The following DGKD variants were observed in gnomAD, a reference collection of about 807,000 sequenced individuals.
DGKD encodes the protein DAG kinase delta.
Under a neutral mutation model 154.4 loss-of-function variants are expected in DGKD, and 68 were observed. The ratio of observed to expected loss-of-function variants is 0.44; its 90% CI spans 0.36 to 0.54. The LOEUF is 0.54. DGKD is among the 20% of genes least tolerant of loss of function. The probability of loss-of-function intolerance (pLI) is 0.00; values close to 1 mark genes in which losing one functional copy is unlikely to be tolerated. For synonymous variants in DGKD, 693 were observed against 638.0 expected (o/e 1.09, Z -1.30); for missense variants, 1,343 against 1,593.6 (o/e 0.84, Z 2.68).
chr2:233,427,371 C>CA (rs2062345427), intron 3 of DGKD, among the ~76,000 whole-genome samples: 1 of 134,770 alleles, frequency 7.4e-6, no homozygotes, highest in Non-Finnish European at 1.5e-5. Flanking sequence ...GACAGGGTCT[C>CA]ACTCTGTCAC....
chr2:233,407,760 G>A (rs562010885), intron 3 of DGKD, among the ~76,000 whole-genome samples: 3 of 152,202 alleles, frequency 2.0e-5, no homozygotes, highest in South Asian at 2.1e-4. Flanking sequence ...GAGAGAGATC[G>A]TGTCTCAAAA....
chr2:233,463,347 T>TCTCCTCACTCCACGCATCTC (rs1553542570), intron 26 of DGKD, among the ~76,000 whole-genome samples: 1 of 143,454 alleles, frequency 7.0e-6, no homozygotes, highest in African/African-American at 2.6e-5. Context: ...ACTGCACGCA[T>TCTCCTCACTCCACGCATCTC]CTCACTCCAC....
At position 233,452,114 on chromosome 2, in the gene DGKD, T is replaced by C; in HGVS notation, c.2264+54T>C. The C allele has an allele frequency of 1.3e-6, 2 of 1,488,324 alleles. No homozygotes were observed. The highest frequency in any genetic ancestry group is 1.7e-4 in the Middle Eastern group (1 of 5,800). 92.2% of individuals were successfully genotyped at this position (1,488,324 alleles called of 1,614,324 possible). On this transcript the variant is annotated intron_variant, in intron 18 of 29. Coordinates refer to ENST00000264057, the MANE Select transcript of DGKD (RefSeq NM_152879.3). The surrounding 1 kb of genome is among the most constrained non-coding windows in gnomAD (Gnocchi z 4.0). ...ATATTGTTACATGGCTGCTAGTGCA[T>C]AGAAAACAGATCTCAGGATTAACTA... is the stretch of plus-strand genomic sequence containing the variant.
chr2:233,383,582 T>A (rs1347178626), intron 1 of DGKD, among the ~76,000 whole-genome samples: 1 of 152,252 alleles, frequency 6.6e-6, no homozygotes, highest in Non-Finnish European at 1.5e-5. Context: ...CTCTGTCGTC[T>A]GCTGGACGTT....
rs558680365 is a variant in DGKD at position 233,452,714 on chromosome 2, T to A, written c.2264+654T>A. ...ACATGTATATAGCAGTTTAATGCAG[T>A]CTTCCTAGGTATTGGAGTCCATTTT... On this transcript the variant is annotated intron_variant, in intron 18 of 29. Coordinates refer to ENST00000264057, the MANE Select transcript of DGKD (RefSeq NM_152879.3). This position sits in a 1 kb window ranked among gnomAD's most constrained non-coding sequence, Gnocchi z 4.0. Among the ~76,000 whole-genome samples, 1 of 152,334 alleles carries A rather than the reference T, an allele frequency of 6.6e-6. No individual in the cohort carries two copies. The highest frequency in any genetic ancestry group is 2.1e-4 in the South Asian group (1 of 4,832).
In DGKD at chr2:233,434,808, A is replaced by T. The variant is rs1289445299; in HGVS notation, c.493A>T (p.Asn165Tyr). The change falls in exon 5 of 30, where the codon AAT (asparagine) becomes TAT (tyrosine). Residue 165 changes from asparagine (N) to tyrosine (Y), a missense_variant. Coordinates refer to ENST00000264057, the MANE Select transcript of DGKD (RefSeq NM_152879.3). ...CATGGACCACTTCTCAGGGATGCAC[A>T]ATTGGTACGCCTGTTCCCACGCGAG... ...YSMDHFSGMH[N>Y]WYACSHARPT... 1.2e-6 allele frequency: 2 copies of T among 1,614,212 alleles called. No homozygotes were observed. The highest frequency in any genetic ancestry group is 2.2e-5 in the South Asian group (2 of 91,078).
At chr2:233,468,347 G>T in intron 28 of DGKD, 76 bp from the exon 29 acceptor site, 1 of 1,572,096 alleles carries the variant, frequency 6.4e-7, no homozygotes, top group Non-Finnish European at 8.7e-7. Context: ...GCTCTCGGGT[G>T]CTGGGTGCCA....
chr2:233,460,123 C>G, intron 23 of DGKD, 71 bp from the exon 24 acceptor site: 1 of 1,567,380 alleles, frequency 6.4e-7, no homozygotes, highest in South Asian at 1.2e-5. Flanking sequence ...TCGTTGGCAT[C>G]CCCATAGTGT....
chr2:233,466,745 T>G (rs2063834499), intron 27 of DGKD, among the ~76,000 whole-genome samples: 1 of 152,258 alleles, frequency 6.6e-6, no homozygotes, highest in Non-Finnish European at 1.5e-5. Context: ...ACTAGAAGAT[T>G]GGCTAAAGAG....
At position 233,449,176 on chromosome 2, in the gene DGKD, T is replaced by C; in HGVS notation, c.1688T>C (p.Leu563Pro). The C allele has an allele frequency of 1.2e-6, 2 of 1,613,536 alleles. No individual in the cohort carries two copies. The highest frequency in any genetic ancestry group is 1.7e-6 in the Non-Finnish European group (2 of 1,179,742). The change falls in exon 15 of 30, where the codon CTG becomes CCG. Residue 563 changes from leucine (L) to proline (P), a missense_variant. This residue lies in a region of DGKD where 409 missense variants were observed against 446.0 expected (regional missense o/e 0.92). Transcript: ENST00000264057. This position sits in a 1 kb window ranked among gnomAD's most constrained non-coding sequence, Gnocchi z 5.3. Reference protein sequence around the residue: ...LDDESQASSSLPNPPPTIAEE... With the variant: ...LDDESQASSSPPNPPPTIAEE... ...GATGAGTCCCAGGCCTCGTCCTCTCTGCCCAACCCGCCCCCCACCATTGCC... is the reference window on the plus strand; with the variant it reads ...GATGAGTCCCAGGCCTCGTCCTCTCCGCCCAACCCGCCCCCCACCATTGCC...
chr2:233,418,343 C>T (rs907173502), intron 3 of DGKD, among the ~76,000 whole-genome samples: 7 of 152,186 alleles, frequency 4.6e-5, no homozygotes, highest in African/African-American at 1.7e-4. Flanking sequence ...ATAATATTCC[C>T]TTCCTGCCAG....
At position 233,469,389 on chromosome 2, in the gene DGKD, G is replaced by A; in HGVS notation, c.3574G>A (p.Val1192Met). ...GTTGCAGGACCTGGGCGTGACCAAG[G>A]TGGGCCACATGAAGAGGATCCTGTG... The part of the protein sequence containing the change: ...RDLKDLGVTK[V>M]GHMKRILCGI... The change falls in exon 30 of 30, where the codon GTG becomes ATG. Residue 1192 changes from valine (V) to methionine (M), a missense_variant. This residue lies in a region of DGKD where 429 missense variants were observed against 496.3 expected (regional missense o/e 0.86). Coordinates refer to ENST00000264057, the MANE Select transcript of DGKD (RefSeq NM_152879.3). The A allele has an allele frequency of 6.2e-7, 1 of 1,612,300 alleles. No individual in the cohort carries two copies. The highest frequency in any genetic ancestry group is 8.5e-7 in the Non-Finnish European group (1 of 1,179,394).
rs758401506 is a variant in DGKD at position 233,469,452 on chromosome 2, G to A, written c.3637G>A (p.Glu1213Lys). ...KELSRSAPAV[E>K]A ...GCTGAGCCGCAGCGCCCCCGCCGTC[G>A]AGGCCTAGCCTCTGTCCTCTCAGCC... The change falls in exon 30 of 30, where the codon GAG (glutamate) becomes AAG (lysine). Residue 1213 changes from glutamate (E) to lysine (K), a missense_variant. Physicochemically the swap from Glu to Lys is moderately conservative, Grantham distance 56. This residue lies in a region of DGKD where 429 missense variants were observed against 496.3 expected (regional missense o/e 0.86). Coordinates refer to ENST00000264057, the MANE Select transcript of DGKD (RefSeq NM_152879.3). The A allele has an allele frequency of 2.4e-5, 38 of 1,598,718 alleles. No individual in the cohort carries two copies. The East Asian group carries it at 7.5e-4, about 31-fold the overall frequency.
chr2:233,366,915 C>T (rs1245386195), intron 1 of DGKD, among the ~76,000 whole-genome samples: 1 of 152,162 alleles, frequency 6.6e-6, no homozygotes, highest in Non-Finnish European at 1.5e-5. Flanking sequence ...CACAGTTTAC[C>T]TCTAAATACC....
intron 3 of DGKD, among the ~76,000 whole-genome samples, chr2:233,413,272 C>T (rs570459010): frequency 1.6e-4 from 24 of 152,224 alleles, no homozygotes; most frequent in Non-Finnish European, 2.9e-4. Flanking sequence ...AGTGTTACCC[C>T]GCCTCTGTTT....
chr2:233,448,600 C>T (rs943970490), intron 14 of DGKD, among the ~76,000 whole-genome samples: 5 of 152,242 alleles, frequency 3.3e-5, no homozygotes, highest in Admixed American at 1.3e-4. Context: ...GCCCGAGCAG[C>T]GGCTCAAGGG....
Position 233,441,971 on chromosome 2 carries a change from C to A in DGKD, c.1170C>A (p.Ile390=). The change falls in exon 10 of 30, where the codon ATC becomes ATA. Residue 390 remains isoleucine (I), a synonymous_variant. Transcript: ENST00000264057. The surrounding 1 kb of genome is among the most constrained non-coding windows in gnomAD (Gnocchi z 5.6). The part of the protein sequence containing the change: ...DGSVGWVLSE[I]DSLNLHKQCQ... ...GTGTTGGCTGGGTCCTCTCCGAAAT[C>A]GACAGCCTCAACCTTCATAAACAGG... is the stretch of plus-strand genomic sequence containing the variant. 2 of 1,614,098 alleles carry A rather than the reference C, an allele frequency of 1.2e-6. No individual in the cohort carries two copies. Among genetic ancestry groups the A allele is most frequent in the Non-Finnish European group, 1.7e-6 (2 of 1,180,008 alleles).
intron 1 of DGKD, among the ~76,000 whole-genome samples, chr2:233,384,165 C>T (rs977417545): frequency 1.3e-5 from 2 of 152,104 alleles, no homozygotes; most frequent in African/African-American, 2.4e-5. Context: ...GATCTGGCTT[C>T]GACCCCATCA....
intron 18 of DGKD, among the ~76,000 whole-genome samples, chr2:233,453,861 C>T (rs574546630): frequency 2.0e-5 from 3 of 152,292 alleles, no homozygotes; most frequent in South Asian, 2.1e-4. Context: ...CTGTCGCACA[C>T]GGGGAAAAGG....
Sources: gnomAD v4.1 joint callset for allele counts (sites outside exome capture counted in the v4.1 genomes callset) on GRCh38, gnomAD v4.1.1 for gene constraint, gnomAD v4.1.1 regional missense constraint, Gnocchi (gnomAD v3.1) non-coding constraint, MANE v1.5 for transcripts, NCBI Gene and HGNC (gene_info 2026-07-23, HGNC 2026-07-21) for gene names.